The following DNAH17 variants were observed in gnomAD, a reference collection of about 807,000 sequenced individuals.
DNAH17 encodes dynein axonemal heavy chain 17, also known as axonemal beta dynein heavy chain 17.
Under a neutral mutation model 485.6 loss-of-function variants are expected in DNAH17, and 376 were observed. The ratio of observed to expected loss-of-function variants is 0.77; its 90% CI spans 0.71 to 0.84. The LOEUF (loss-of-function observed/expected upper bound fraction) is 0.84, where lower values mean the gene tolerates loss of function less well. DNAH17 is among the 40% of genes least tolerant of loss of function. The pLI is 0.00. For missense variants in DNAH17, 6,370 were observed against 5,839.3 expected (o/e 1.09, Z -2.96); for synonymous variants, 3,031 against 2,405.9 (o/e 1.26, Z -7.60).
chr17:78,563,786 AACCCC>A (rs1457480977), intron 11 of DNAH17, among the ~76,000 whole-genome samples: 3 of 152,006 alleles, frequency 2.0e-5, no homozygotes, highest in Non-Finnish European at 2.9e-5. Flanking sequence ...AAGGGAGAGA[AACCCC>A]AGGGCCCTAT....
Position 78,482,070 on chromosome 17 carries a change from CTTTT to C in DNAH17, c.7650-1288_7650-1285del, listed in dbSNP as rs36105381. Among the ~76,000 whole-genome samples, 115 of 130,658 alleles carry C rather than the reference CTTTT, an allele frequency of 8.8e-4. No individual in the cohort carries two copies. In the South Asian group the frequency reaches 0.011, roughly 12 times the overall value. 85.7% of individuals were successfully genotyped at this position (130,658 alleles called of 152,430 possible). ...CCTTGATGTCACACTACACTAGTTA[CTTTT>C]TTTTTTTTTTTTTTTTCCCCCGAGA... On this transcript the variant is annotated intron_variant, in intron 48 of 80. Coordinates refer to ENST00000389840, the MANE Select transcript of DNAH17 (RefSeq NM_173628.4).
At chr17:78,457,595 T>C (rs2146518659) in intron 62 of DNAH17, among the ~76,000 whole-genome samples, 1 of 151,676 alleles carries the variant, frequency 6.6e-6, no homozygotes, top group South Asian at 2.1e-4. Flanking sequence ...CTCAGGCTGG[T>C]TTCAAACTCC....
chr17:78,497,651 TCATGGGGCCTCCAGC>T (rs1447428575), intron 37 of DNAH17, among the ~76,000 whole-genome samples: 1 of 152,168 alleles, frequency 6.6e-6, no homozygotes, highest in Non-Finnish European at 1.5e-5. Context: ...ATTCTCTTGG[TCATGGGGCCTCCAGC>T]CCTGGGGCTG....
At chr17:78,546,690 G>A (rs1368906809) in intron 16 of DNAH17, among the ~76,000 whole-genome samples, 1 of 152,206 alleles carries the variant, frequency 6.6e-6, no homozygotes, top group Non-Finnish European at 1.5e-5. Context: ...TGGATCACCT[G>A]AGGCCAGGAA....
At position 78,501,871 on chromosome 17, in the gene DNAH17, A is replaced by G. The variant is rs750895170; in HGVS notation, c.5193T>C (p.Ile1731=). 5 of 1,614,014 alleles carry G rather than the reference A, an allele frequency of 3.1e-6. No homozygotes were observed. The highest frequency in any genetic ancestry group is 1.6e-4 in the Middle Eastern group (1 of 6,062). Residue 1731 remains isoleucine (I), a splice_region_variant and synonymous_variant, in exon 34 of 81, where the codon ATT becomes ATC. Transcript: ENST00000389840. ...GCGTGATGAGTACGTTCAGCTGGCTAATCTGCGGGGGAGAGTGCCTTCGAT... is the reference window on the plus strand; with the variant it reads ...GCGTGATGAGTACGTTCAGCTGGCTGATCTGCGGGGGAGAGTGCCTTCGAT... ...NAIRDYNKKQ[I]SQLNVLITLL...
intron 15 of DNAH17, among the ~76,000 whole-genome samples, chr17:78,551,958 A>AT (rs1226304076): frequency 1.5e-5 from 2 of 137,532 alleles, no homozygotes; most frequent in Non-Finnish European, 3.2e-5. Context: ...GTGAGACTCT[A>AT]TCTCAGGAAA....
At chr17:78,492,289 G>A (rs1222189675) in intron 42 of DNAH17, among the ~76,000 whole-genome samples, 1 of 151,480 alleles carries the variant, frequency 6.6e-6, no homozygotes, top group Non-Finnish European at 1.5e-5. Flanking sequence ...TGAGGCCAGG[G>A]CTCCCCGGGC....
In DNAH17 at chr17:78,491,641, C is replaced by G. The variant is rs964163138; in HGVS notation, c.6542-71G>C. 7 of 1,542,404 alleles carry G rather than the reference C, an allele frequency of 4.5e-6. No homozygotes were observed. The Admixed American group carries it at 1.4e-4, about 30-fold the overall frequency. On this transcript the variant is annotated intron_variant, in intron 42 of 80. Coordinates refer to ENST00000389840, the MANE Select transcript of DNAH17 (RefSeq NM_173628.4). ...CATTCCAGTCCCCACCAGTCCTGAC[C>G]CTGGCCTCTCTCTCTGGGAGGGAGC...
intron 33 of DNAH17, 127 bp from the exon 34 acceptor site, chr17:78,502,000 G>T: frequency 7.2e-7 from 1 of 1,389,490 alleles, no homozygotes; most frequent in Non-Finnish European, 9.8e-7. Context: ...TGAAAAACAA[G>T]AGCGCCCTCG....
At position 78,446,173 on chromosome 17, in the gene DNAH17, CAAAAAAAAAAAA is replaced by C. The variant is rs1157464118; in HGVS notation, c.11212-505_11212-494del. On this transcript the variant is annotated intron_variant, in intron 69 of 80. Coordinates refer to ENST00000389840, the MANE Select transcript of DNAH17 (RefSeq NM_173628.4). ...TGGGCAACAGAGTGAGACTCTGTCT[CAAAAAAAAAAAA>C]AAAAAAAAAAAAATTGACAATTGTA... Among the ~76,000 whole-genome samples the C allele has an allele frequency of 7.0e-5, 4 of 57,392 alleles. 1 individual carries two copies. Among genetic ancestry groups the C allele is most frequent in the African/African-American group, 2.3e-4 (3 of 12,950 alleles). 37.7% of individuals were successfully genotyped at this position (57,392 alleles called of 152,430 possible). A position where few individuals can be genotyped will look rare whatever the true frequency, so the allele number is the denominator to read the frequency against.
chr17:78,444,923 G>A, intron 70 of DNAH17, 126 bp from the exon 71 acceptor site: 1 of 972,804 alleles, frequency 1.0e-6, no homozygotes, highest in Non-Finnish European at 1.4e-6. Flanking sequence ...CTGGGATAAG[G>A]AAGCCCGAGA....
At position 78,500,308 on chromosome 17, in the gene DNAH17, G is replaced by A. The variant is rs2090233737; in HGVS notation, c.5637C>T (p.Tyr1879=). The change falls in exon 36 of 81, where the codon TAC becomes TAT. Residue 1879 remains tyrosine, a synonymous_variant. Transcript: ENST00000389840. ...CCTCCGGACCCCGGCCGCGTACCTT[G>A]TAGTCCATCTGCTCGGAGCAGTTGA... The part of the protein sequence containing the change: ...YVFNCSEQMD[Y]KSCGNIYKGL... 26 of 1,611,228 alleles carry A rather than the reference G, an allele frequency of 1.6e-5. No homozygotes were observed. The highest frequency in any genetic ancestry group is 2.2e-5 in the Non-Finnish European group (26 of 1,178,840).
intron 2 of DNAH17, among the ~76,000 whole-genome samples, chr17:78,573,365 G>C (rs1185435377): frequency 6.6e-6 from 1 of 152,080 alleles, no homozygotes. Context: ...TAGGGAGGCC[G>C]AGGCAGGTAC....
chr17:78,569,080 G>C, intron 9 of DNAH17, 86 bp downstream of exon 9: 1 of 1,049,586 alleles, frequency 9.5e-7, no homozygotes, highest in Non-Finnish European at 1.4e-6. Context: ...TTATTGGCAA[G>C]GGGGGTAGGG....
At chr17:78,448,976 A>T (rs1032003243) in intron 69 of DNAH17, among the ~76,000 whole-genome samples, 3 of 152,248 alleles carry the variant, frequency 2.0e-5, no homozygotes, top group African/African-American at 7.2e-5. Flanking sequence ...CTGTTTAATC[A>T]ATTTCAGAGA....
chr17:78,472,004 C>G (rs2088774661), intron 54 of DNAH17, among the ~76,000 whole-genome samples: 1 of 152,162 alleles, frequency 6.6e-6, no homozygotes, highest in Admixed American at 6.5e-5. Flanking sequence ...CATGGTGCTA[C>G]TGAAGCTGGA....
At chr17:78,559,417 T>C (rs1024033629) in intron 13 of DNAH17, among the ~76,000 whole-genome samples, 2 of 152,144 alleles carry the variant, frequency 1.3e-5, no homozygotes, top group African/African-American at 2.4e-5. Flanking sequence ...CCCTAAAACA[T>C]TGGGACTGAC....
Position 78,569,518 on chromosome 17 carries a change from A to G in DNAH17, c.1054T>C (p.Phe352Leu). 2 of 1,606,000 alleles carry G rather than the reference A, an allele frequency of 1.2e-6. No individual in the cohort carries two copies. Among genetic ancestry groups the G allele is most frequent in the Non-Finnish European group, 1.7e-6 (2 of 1,176,270 alleles). ...TTCAGCACCTCTTCCGGGCTCAGGAAGGTTCGTGTCTGGGCAAAAGAGAAG... is the reference window on the plus strand; with the variant it reads ...TTCAGCACCTCTTCCGGGCTCAGGAGGGTTCGTGTCTGGGCAAAAGAGAAG... ...CNQIIEMTRT[F>L]LSPEEVLKGL... The change falls in exon 8 of 81, where the codon TTC (phenylalanine) becomes CTC (leucine). Residue 352 changes from phenylalanine (F) to leucine (L), a missense_variant. Coordinates refer to ENST00000389840, the MANE Select transcript of DNAH17 (RefSeq NM_173628.4).
chr17:78,506,765 CGA>C lies in DNAH17; in HGVS notation c.4756_4757del (p.Ser1586GlyfsTer2), dbSNP rs1568172504. 1.9e-6 allele frequency: 3 copies of C among 1,613,902 alleles called. No individual in the cohort carries two copies. Among genetic ancestry groups the C allele is most frequent in the Non-Finnish European group, 1.7e-6 (2 of 1,179,870 alleles). The stretch of plus-strand genomic sequence containing the variant: ...TGGAGAGAATGTCCAGGAGGTCAGC[CGA>C]GGAGACAAAATAGAACCGGGGGAAA... ...LAFPRFYFVS[S>X]ADLLDILSNG... is the part of the protein sequence containing the mutation. On this transcript the variant is annotated frameshift_variant, in exon 30 of 81. Coordinates refer to ENST00000389840, the MANE Select transcript of DNAH17 (RefSeq NM_173628.4). LOFTEE classifies it high-confidence loss of function.
Sources: allele counts gnomAD v4.1 joint callset (sites outside exome capture counted in the v4.1 genomes callset), GRCh38; gene constraint gnomAD v4.1.1; transcripts MANE v1.5; gene names NCBI Gene and HGNC (gene_info 2026-07-23, HGNC 2026-07-21).